The following CDH23 variants were observed in gnomAD, a reference collection of about 807,000 sequenced individuals.
CDH23 encodes cadherin related 23.
In CDH23, 189 loss-of-function variants were observed where a neutral mutation model predicts 317.1. The observed-to-expected ratio is 0.60, with a 90% CI of 0.53 to 0.67. The LOEUF is 0.67. Ranked by LOEUF, CDH23 falls within the 30% of genes least tolerant of loss-of-function variation. CDH23 has a pLI of 0.00. For synonymous variants in CDH23, 1,839 were observed against 1,876.8 expected, an observed-to-expected ratio of 0.98 and a Z score of 0.52; for missense variants, 4,401 against 4,592.4, an observed-to-expected ratio of 0.96 and a Z score of 1.20.
intron 3 of CDH23, among the ~76,000 whole-genome samples, chr10:71,450,098 G>A (rs990797152): frequency 6.6e-6 from 1 of 152,140 alleles, no homozygotes; most frequent in African/African-American, 2.4e-5. Context: ...CCTGGAATGC[G>A]TGGAGTGGCG....
At position 71,710,063 on chromosome 10, in the gene CDH23, C is replaced by T. The variant is rs76178156; in HGVS notation, c.3220+852C>T. Among the ~76,000 whole-genome samples the T allele has an allele frequency of 2.1e-3, 327 of 152,234 alleles. 4 individuals carry two copies. Among genetic ancestry groups the T allele is most frequent in the African/African-American group, 7.6e-3 (317 of 41,536 alleles). On this transcript the variant is annotated intron_variant, in intron 27 of 69. Coordinates refer to ENST00000224721, the MANE Select transcript of CDH23 (RefSeq NM_022124.6). ...ATGCCCCCATGATTCAATGATCTCCCGCTGGCTCCCTCCCACAACATGTGG... is the reference window on the plus strand; with the variant it reads ...ATGCCCCCATGATTCAATGATCTCCTGCTGGCTCCCTCCCACAACATGTGG...
chr10:71,612,227 A>AGT (rs112383786), intron 9 of CDH23, among the ~76,000 whole-genome samples: 23,942 of 148,550 alleles, frequency 0.16, 2,239 homozygotes, highest in East Asian at 0.33. Context: ...GTGAAAAAGA[A>AGT]GTGTGTGTGT....
intron 6 of CDH23, among the ~76,000 whole-genome samples, chr10:71,532,621 T>G (rs909686915): frequency 6.6e-6 from 1 of 152,116 alleles, no homozygotes; most frequent in Non-Finnish European, 1.5e-5. Flanking sequence ...CAACCTGACC[T>G]TTTGAGTCCC....
intron 6 of CDH23, among the ~76,000 whole-genome samples, chr10:71,526,340 G>C (rs540855079): frequency 2.6e-5 from 4 of 152,344 alleles, no homozygotes; most frequent in Admixed American, 1.3e-4. Flanking sequence ...CTCCACGTGG[G>C]CCCAGGAGGC....
chr10:71,718,706 A>G (rs762829338), intron 28 of CDH23, among the ~76,000 whole-genome samples: 1 of 152,218 alleles, frequency 6.6e-6, no homozygotes, highest in Non-Finnish European at 1.5e-5. Context: ...CTTCAAAGGA[A>G]TCTGGAGACC....
intron 9 of CDH23, among the ~76,000 whole-genome samples, chr10:71,593,064 C>T (rs1349878683): frequency 6.6e-6 from 1 of 152,206 alleles, no homozygotes; most frequent in Non-Finnish European, 1.5e-5. Flanking sequence ...GCAGCCGGTA[C>T]AGGAGAGGGT....
chr10:71,792,835 AAAAAAAAAAAAAAAAAAATATAT>A (rs1480096121), intron 47 of CDH23, among the ~76,000 whole-genome samples: 1,394 of 80,126 alleles, frequency 0.017, 28 homozygotes, highest in Non-Finnish European at 0.025. Flanking sequence ...AAAAAAAAAA[AAAAAAAAAAAAAAAAAAATATAT>A]ATATATATAT....
At position 71,807,870 on chromosome 10, in the gene CDH23, G is replaced by T; in HGVS notation, c.8585G>T (p.Gly2862Val). The T allele has an allele frequency of 6.2e-7, 1 of 1,603,874 alleles. No homozygotes were observed. Residue 2862 changes from glycine (G) to valine (V), a missense_variant, in exon 60 of 70, where the codon GGC (glycine) becomes GTC (valine). Transcript: ENST00000224721. ...TAGVATDAKV[G>V]SELIQVLALD... ...GGGGTGGCCACCGACGCCAAGGTGGGCTCAGAGTTGATCCAGGTGCTGGCC... is the reference window on the plus strand; with the variant it reads ...GGGGTGGCCACCGACGCCAAGGTGGTCTCAGAGTTGATCCAGGTGCTGGCC...
At chr10:71,558,110 G>T (rs1856958413) in intron 6 of CDH23, among the ~76,000 whole-genome samples, 2 of 151,866 alleles carry the variant, frequency 1.3e-5, no homozygotes, top group Admixed American at 6.6e-5. Context: ...CGTTTCTCCT[G>T]CCTCAGCCTC....
intron 3 of CDH23, among the ~76,000 whole-genome samples, chr10:71,502,048 G>T (rs747062625): frequency 5.9e-5 from 9 of 152,192 alleles, no homozygotes; most frequent in African/African-American, 1.4e-4. Flanking sequence ...GCCCTCTCCC[G>T]GCCAGGACCC....
chr10:71,570,457 A>G (rs542523904), intron 7 of CDH23, among the ~76,000 whole-genome samples: 17 of 152,302 alleles, frequency 1.1e-4, no homozygotes, highest in Admixed American at 5.2e-4. Context: ...CGGATGTCCA[A>G]GGAAGTCAGG....
chr10:71,542,043 T>G (rs1240200229), intron 6 of CDH23, among the ~76,000 whole-genome samples: 2 of 152,172 alleles, frequency 1.3e-5, no homozygotes, highest in Non-Finnish European at 1.5e-5. Context: ...GGTAAGGACT[T>G]TTTTCCTCTC....
chr10:71,814,991 A>G lies in CDH23; in HGVS notation c.9778A>G (p.Ser3260Gly). ...TELDEEPGDH[S>G]PGQGSLRFRH... ...GCTGGACGAGGAGCCAGGAGACCAC[A>G]GCCCAGGGCAGGGTAGCCTGCGCTT... Residue 3260 changes from serine to glycine, a missense_variant, in exon 70 of 70, where the codon AGC (serine) becomes GGC (glycine). Physicochemically the swap from Ser to Gly is moderately conservative, Grantham distance 56. Coordinates refer to ENST00000224721, the MANE Select transcript of CDH23 (RefSeq NM_022124.6). 2.5e-6 allele frequency: 4 copies of G among 1,612,550 alleles called. No individual in the cohort carries two copies. Among genetic ancestry groups the G allele is most frequent in the Non-Finnish European group, 2.5e-6 (3 of 1,179,680 alleles).
intron 6 of CDH23, among the ~76,000 whole-genome samples, chr10:71,529,145 C>G (rs1266309653): frequency 6.6e-6 from 1 of 152,190 alleles, no homozygotes; most frequent in Non-Finnish European, 1.5e-5. Context: ...GATCCTGATT[C>G]AGTAGCTCTG....
chr10:71,405,429 TATC>T (rs1479274412), intron 1 of CDH23, among the ~76,000 whole-genome samples: 49 of 147,646 alleles, frequency 3.3e-4, no homozygotes, highest in Admixed American at 2.5e-3. Context: ...ATGGGTAGAC[TATC>T]TTTTTTTTTT....
intron 11 of CDH23, among the ~76,000 whole-genome samples, chr10:71,621,627 G>A (rs982716749): frequency 3.3e-5 from 5 of 152,324 alleles, no homozygotes; most frequent in African/African-American, 7.2e-5. Flanking sequence ...AATCCTCTGC[G>A]GGGCAGTCGA....
intron 38 of CDH23, chr10:71,753,028 G>T (rs1465109328): frequency 1.2e-6 from 2 of 1,610,118 alleles, no homozygotes; most frequent in South Asian, 2.2e-5. Context: ...CAGAGAAGCT[G>T]GTCATGGAAG....
chr10:71,726,385 G>A (rs1173924694), intron 30 of CDH23, among the ~76,000 whole-genome samples: 1 of 152,202 alleles, frequency 6.6e-6, no homozygotes, highest in Non-Finnish European at 1.5e-5. Flanking sequence ...GAAACAATGA[G>A]CGGTGGTCAC....
intron 38 of CDH23, among the ~76,000 whole-genome samples, chr10:71,754,326 G>A (rs967708537): frequency 1.6e-4 from 24 of 151,406 alleles, no homozygotes; most frequent in Non-Finnish European, 3.2e-4. Context: ...GGGGCTTCAC[G>A]TGGGGGCCCC....
Sources: gnomAD v4.1 joint callset for allele counts (sites outside exome capture counted in the v4.1 genomes callset) on GRCh38, gnomAD v4.1.1 for gene constraint, MANE v1.5 for transcripts, NCBI Gene and HGNC (gene_info 2026-07-23, HGNC 2026-07-21) for gene names.